The following TCF12 variants were observed in gnomAD, a reference collection of about 807,000 sequenced individuals.
TCF12 encodes the protein DNA-binding protein HTF4.
In TCF12, 45 loss-of-function variants were observed where a neutral mutation model predicts 86.0. The observed-to-expected ratio is 0.52, with a 90% CI of 0.41 to 0.67. The LOEUF is 0.67. Ranked by LOEUF, TCF12 falls within the 30% of genes least tolerant of loss-of-function variation. TCF12 has a pLI of 0.00. For synonymous variants in TCF12, 330 were observed against 299.6 expected (o/e 1.10, Z -1.05); for missense variants, 881 against 859.9 (o/e 1.02, Z -0.31).
At chr15:57,173,719 T>G (rs2055697726) in intron 6 of TCF12, among the ~76,000 whole-genome samples, 1 of 151,964 alleles carries the variant, frequency 6.6e-6, no homozygotes, top group African/African-American at 2.4e-5. Context: ...TTTTCTTTTT[T>G]TTTTTTTAGA....
chr15:57,243,109 TGA>T (rs1466479482), intron 12 of TCF12, among the ~76,000 whole-genome samples: 1 of 152,180 alleles, frequency 6.6e-6, no homozygotes, highest in Non-Finnish European at 1.5e-5. Context: ...CTTTCTGAGG[TGA>T]TTATTTTTAA....
chr15:57,261,600 T>C (rs1408022299), intron 16 of TCF12, among the ~76,000 whole-genome samples: 1 of 152,190 alleles, frequency 6.6e-6, no homozygotes, highest in Non-Finnish European at 1.5e-5. Context: ...ACTATTCTAA[T>C]AAAAACTTCA....
chr15:57,076,412 C>T (rs1365628120), intron 4 of TCF12, among the ~76,000 whole-genome samples: 3 of 152,062 alleles, frequency 2.0e-5, no homozygotes, highest in Non-Finnish European at 4.4e-5. Flanking sequence ...AATCCCAGCA[C>T]TTTGGGAGAC....
intron 16 of TCF12, among the ~76,000 whole-genome samples, chr15:57,255,676 G>A (rs1418630410): frequency 2.0e-5 from 3 of 152,020 alleles, no homozygotes; most frequent in African/African-American, 4.8e-5. Context: ...TAGAGATGGG[G>A]TTTCACCATA....
intron 4 of TCF12, among the ~76,000 whole-genome samples, chr15:57,090,590 C>A (rs530789173): frequency 9.2e-5 from 14 of 152,316 alleles, no homozygotes; most frequent in South Asian, 2.1e-4. Flanking sequence ...ATTGAACTGA[C>A]AGCATGCCTG....
intron 3 of TCF12, among the ~76,000 whole-genome samples, chr15:57,014,641 G>C (rs762690309): frequency 5.9e-5 from 9 of 152,040 alleles, no homozygotes; most frequent in Non-Finnish European, 1.0e-4. Context: ...GTTGCCACAG[G>C]CCAGCCTGCT....
intron 8 of TCF12, chr15:57,219,329 A>AGGTT (rs2151854756): frequency 8.1e-7 from 1 of 1,228,876 alleles, no homozygotes; most frequent in Admixed American, 4.1e-5. Context: ...AAATTGAAAG[A>AGGTT]GGTTACTTAC....
At chr15:57,132,122 G>A (rs1480810864) in intron 5 of TCF12, among the ~76,000 whole-genome samples, 1 of 152,106 alleles carries the variant, frequency 6.6e-6, no homozygotes, top group African/African-American at 2.4e-5. Context: ...CTACACTCCG[G>A]TTTGGGTGAC....
At chr15:57,149,886 T>G (rs1263232716) in intron 5 of TCF12, among the ~76,000 whole-genome samples, 3 of 152,210 alleles carry the variant, frequency 2.0e-5, no homozygotes, top group Non-Finnish European at 4.4e-5. Flanking sequence ...GAAAGCTTTT[T>G]TATTTTTTTC....
At chr15:57,030,089 A>G (rs529874132) in intron 3 of TCF12, among the ~76,000 whole-genome samples, 17 of 152,198 alleles carry the variant, frequency 1.1e-4, no homozygotes, top group Admixed American at 5.2e-4. Context: ...TTTCATTTCA[A>G]ATCTCACCTG....
chr15:57,265,527 CTTA>C (rs2060821947), intron 18 of TCF12, among the ~76,000 whole-genome samples: 1 of 152,084 alleles, frequency 6.6e-6, no homozygotes, highest in African/African-American at 2.4e-5. Context: ...AATAATCTTA[CTTA>C]TTTTTATGAG....
chr15:57,177,881 A>G (rs1055596874), intron 6 of TCF12, among the ~76,000 whole-genome samples: 1 of 150,576 alleles, frequency 6.6e-6, no homozygotes, highest in African/African-American at 2.4e-5. Context: ...GCTAATTTTT[A>G]TATTTTTTAG....
At position 57,028,987 on chromosome 15, in the gene TCF12, C is replaced by T. The variant is rs1375130661; in HGVS notation, c.149-34763C>T. On this transcript the variant is annotated intron_variant, in intron 3 of 20. Transcript: ENST00000333725. The stretch of plus-strand genomic sequence containing the variant: ...TAATTTTTTATATTTTTAGTAGAGA[C>T]GGGGTTTTACCATGTTGGCCAGGCT... 5.9e-5 allele frequency among the ~76,000 whole-genome samples: 9 copies of T among 151,926 alleles called. No individual in the cohort carries two copies. In the South Asian group the frequency reaches 8.3e-4, roughly 14 times the overall value.
intron 6 of TCF12, among the ~76,000 whole-genome samples, chr15:57,177,055 G>A (rs1164817933): frequency 2.6e-5 from 4 of 152,088 alleles, no homozygotes; most frequent in Admixed American, 2.6e-4. Context: ...TGTGAAAGGG[G>A]CCTACATGCA....
At chr15:57,093,430 G>C (rs2049122626) in intron 5 of TCF12, among the ~76,000 whole-genome samples, 1 of 152,120 alleles carries the variant, frequency 6.6e-6, no homozygotes, top group Admixed American at 6.5e-5. Context: ...ACTCTGAACT[G>C]TGAAAAATCA....
intron 16 of TCF12, among the ~76,000 whole-genome samples, chr15:57,254,171 G>T (rs563901738): frequency 3.3e-5 from 5 of 152,230 alleles, no homozygotes; most frequent in African/African-American, 9.6e-5. Flanking sequence ...TTATGGCATG[G>T]TTTTTAAGGT....
chr15:57,013,176 T>C (rs565821764), intron 3 of TCF12, among the ~76,000 whole-genome samples: 14 of 152,190 alleles, frequency 9.2e-5, no homozygotes, highest in Non-Finnish European at 2.1e-4. Context: ...AAATTAATAT[T>C]TGGCATCAGA....
intron 3 of TCF12, among the ~76,000 whole-genome samples, chr15:57,000,080 A>G (rs559127292): frequency 3.0e-4 from 45 of 152,294 alleles, no homozygotes; most frequent in Middle Eastern, 6.8e-3. Flanking sequence ...TCACTTGTGC[A>G]GTAATATTTG....
intron 18 of TCF12, 110 bp from the exon 19 acceptor site, chr15:57,272,920 A>G: frequency 1.9e-6 from 2 of 1,029,752 alleles, no homozygotes; most frequent in South Asian, 3.3e-5. Context: ...ACTGTTTACA[A>G]GATTTATAGG....
Sources: gnomAD v4.1 joint callset for allele counts (sites outside exome capture counted in the v4.1 genomes callset) on GRCh38, gnomAD v4.1.1 for gene constraint, MANE v1.5 for transcripts, NCBI Gene and HGNC (gene_info 2026-07-23, HGNC 2026-07-21) for gene names.